Variants in DPF2 observed in about 807,000 individuals in gnomAD.
DPF2 encodes the protein zinc finger protein ubi-d4.
In DPF2, 10 loss-of-function variants were observed where a neutral mutation model predicts 59.6. The ratio of observed to expected loss-of-function variants is 0.17; its 90% confidence interval spans 0.10 to 0.28. The LOEUF (loss-of-function observed/expected upper bound fraction) is 0.28, where lower values mean the gene tolerates loss of function less well. DPF2 is among the 10% of genes least tolerant of loss of function. DPF2 has a pLI of 1.00. For missense variants in DPF2, 315 were observed against 509.4 expected, an observed-to-expected ratio of 0.62 and a Z score of 3.67; for synonymous variants, 189 against 190.6, an observed-to-expected ratio of 0.99 and a Z score of 0.07.
At chr11:65,340,670 CTT>C in intron 2 of DPF2, 125 bp downstream of exon 2, 1 of 1,359,308 alleles carries the variant, frequency 7.4e-7, no homozygotes. Flanking sequence ...TGAATATGGT[CTT>C]CCTGTGATTA....
intron 3 of DPF2, among the ~76,000 whole-genome samples, 160 bp downstream of exon 3, chr11:65,341,233 TAA>T (rs1331382109): frequency 6.6e-6 from 1 of 152,168 alleles, no homozygotes; most frequent in Non-Finnish European, 1.5e-5. Flanking sequence ...GGGAGACAGG[TAA>T]ACAGATAAGT....
chr11:65,350,362 TTTTC>T (rs1273842975), intron 10 of DPF2, among the ~76,000 whole-genome samples: 59 of 151,230 alleles, frequency 3.9e-4, no homozygotes, highest in Middle Eastern at 3.4e-3. Flanking sequence ...CTCTTTTTCT[TTTTC>T]TTTCTTTCTT....
In DPF2 at chr11:65,353,951, C is replaced by G. The variant is rs1404721757; in HGVS notation, c.*2192C>G. Among the ~76,000 whole-genome samples the G allele has an allele frequency of 6.6e-6, 1 of 152,132 alleles. No homozygotes were observed. The highest frequency in any genetic ancestry group is 1.5e-5 in the Non-Finnish European group (1 of 68,028). On this transcript the variant is annotated 3_prime_UTR_variant, in exon 11 of 11. Coordinates refer to ENST00000528416, the MANE Select transcript of DPF2 (RefSeq NM_006268.5). ...AGAAAAGAAATGTGGAAAATAAGAACGCTGTAGCAGGCCTAGGTGAGGAAA... is the reference window on the plus strand; with the variant it reads ...AGAAAAGAAATGTGGAAAATAAGAAGGCTGTAGCAGGCCTAGGTGAGGAAA...
chr11:65,341,472 T>C lies in DPF2; in HGVS notation c.375T>C (p.Thr125=), dbSNP rs367991143. ...GTAGTTTAGAGGCTCTGTTGCGCAC[T>C]GACCCCCTGGAGAAGCGAGGTGCCC... The part of the protein sequence containing the change: ...DGSSLEALLR[T]DPLEKRGAPD... The change falls in exon 4 of 11, where the codon ACT becomes ACC. Residue 125 remains threonine, a synonymous_variant. Transcript: ENST00000528416. The C allele has an allele frequency of 1.2e-5, 19 of 1,614,126 alleles. No individual in the cohort carries two copies. The African/African-American group carries it at 2.1e-4, about 18-fold the overall frequency.
chr11:65,344,158 C>A, intron 6 of DPF2, 89 bp downstream of exon 6: 1 of 1,398,830 alleles, frequency 7.1e-7, no homozygotes, highest in South Asian at 1.2e-5. Flanking sequence ...TGTTTTTGCC[C>A]AGAGTATTAA....
intron 1 of DPF2, among the ~76,000 whole-genome samples, chr11:65,337,541 A>AGAGAGAGAAAGAGAGG (rs1854231885): frequency 7.3e-6 from 1 of 137,262 alleles, no homozygotes; most frequent in African/African-American, 2.7e-5. Context: ...AGAGAGAGAG[A>AGAGAGAGAAAGAGAGG]GAGAGAACAA....
At chr11:65,335,725 A>G (rs866958929) in intron 1 of DPF2, among the ~76,000 whole-genome samples, 10 of 152,148 alleles carry the variant, frequency 6.6e-5, no homozygotes, top group South Asian at 6.2e-4. Flanking sequence ...GAGATATGGC[A>G]CTTCTCTTGA....
chr11:65,338,311 C>CA lies in DPF2; in HGVS notation c.33-2073dup, dbSNP rs544527633. 4.8e-3 allele frequency among the ~76,000 whole-genome samples: 730 copies of CA among 152,302 alleles called. 4 individuals are homozygous for CA. Among genetic ancestry groups the CA allele is most frequent in the Non-Finnish European group, 6.8e-3 (466 of 68,032 alleles). On this transcript the variant is annotated intron_variant, in intron 1 of 10. Coordinates refer to ENST00000528416, the MANE Select transcript of DPF2 (RefSeq NM_006268.5). ...TTCTCTCTTCATGAGATTCTCCCCC[C>CA]ACACTTCAGTGTTTCCTTCCCAGCC...
chr11:65,347,642 A>ATATTT (rs1360842701), intron 9 of DPF2: 1 of 150,788 alleles, frequency 6.6e-6, no homozygotes, highest in Non-Finnish European at 1.5e-5. Flanking sequence ...GCCTTGTCTT[A>ATATTT]TATTTTATTT....
At chr11:65,342,887 A>C (rs1016715148) in intron 4 of DPF2, among the ~76,000 whole-genome samples, 42 of 150,028 alleles carry the variant, frequency 2.8e-4, no homozygotes, top group Non-Finnish European at 4.6e-4. Flanking sequence ...GGTGGTGGGC[A>C]CCTGCAGTCC....
chr11:65,337,806 T>A (rs1854247443), intron 1 of DPF2, among the ~76,000 whole-genome samples: 3 of 150,524 alleles, frequency 2.0e-5, no homozygotes, highest in Middle Eastern at 3.4e-3. Flanking sequence ...TTGTTTTTTT[T>A]AATTTTATTT....
intron 4 of DPF2, 87 bp downstream of exon 4, chr11:65,341,649 CAG>C: frequency 6.4e-7 from 1 of 1,562,716 alleles, no homozygotes; most frequent in Non-Finnish European, 8.7e-7. Flanking sequence ...AGAACTGAAA[CAG>C]AAGCTGGAGT....
chr11:65,345,764 C>T lies in DPF2; in HGVS notation c.736C>T (p.Pro246Ser). ...EEGEDKEDSQ[P>S]PTPVSQRSEE... ...GGGCGAGGACAAGGAAGACTCTCAA[C>T]CACCCACTCCTGTTTCCCAGAGGTC... The change falls in exon 7 of 11, where the codon CCA becomes TCA. Residue 246 changes from proline (P) to serine (S), a missense_variant. This residue lies in a region of DPF2 where 58 missense variants were observed against 84.6 expected (regional missense o/e 0.69). Transcript: ENST00000528416. 2 of 1,614,120 alleles carry T rather than the reference C, an allele frequency of 1.2e-6. No individual in the cohort carries two copies. The highest frequency in any genetic ancestry group is 1.7e-6 in the Non-Finnish European group (2 of 1,180,020).
intron 6 of DPF2, 120 bp downstream of exon 6, chr11:65,344,189 C>T: frequency 1.9e-6 from 2 of 1,029,000 alleles, no homozygotes; most frequent in South Asian, 2.8e-5. Context: ...GGCTCTTGTC[C>T]TGCCTGCTGA....
intron 4 of DPF2, among the ~76,000 whole-genome samples, chr11:65,343,214 G>A (rs529613180): frequency 5.4e-5 from 8 of 148,720 alleles, no homozygotes; most frequent in South Asian, 2.1e-4. Flanking sequence ...CAGGAGGATC[G>A]CTTGAACCCA....
chr11:65,342,234 C>G (rs1854395572), intron 4 of DPF2, among the ~76,000 whole-genome samples: 1 of 152,144 alleles, frequency 6.6e-6, no homozygotes, highest in Non-Finnish European at 1.5e-5. Context: ...TGAGAGGAAA[C>G]TTCAAAAACT....
At position 65,343,794 on chromosome 11, in the gene DPF2, A is replaced by G; in HGVS notation, c.515A>G (p.Tyr172Cys). The change falls in exon 5 of 11, where the codon TAT (tyrosine) becomes TGT (cysteine). Residue 172 changes from tyrosine to cysteine, a missense_variant. Tyr to Cys is a radical substitution (Grantham distance 194). Coordinates refer to ENST00000528416, the MANE Select transcript of DPF2 (RefSeq NM_006268.5). The part of the protein sequence containing the change: ...DFLDDLDDED[Y>C]EEDTPKRRGK... ...CTGGATGACCTCGATGATGAAGACT[A>G]TGAAGAAGATACTCCCAAGCGTCGG... 2 of 1,595,856 alleles carry G rather than the reference A, an allele frequency of 1.3e-6. No individual in the cohort carries two copies. Among genetic ancestry groups the G allele is most frequent in the Non-Finnish European group, 1.7e-6 (2 of 1,171,168 alleles).
intron 1 of DPF2, among the ~76,000 whole-genome samples, chr11:65,335,420 C>T (rs1235550146): frequency 2.0e-5 from 3 of 152,122 alleles, no homozygotes; most frequent in Non-Finnish European, 2.9e-5. Context: ...GGGAGTTAAA[C>T]GTAGTGAGGT....
Position 65,352,031 on chromosome 11 carries a change from G to C in DPF2, c.*272G>C, listed in dbSNP as rs1432955090. 18 of 477,064 alleles carry C rather than the reference G, an allele frequency of 3.8e-5. No individual in the cohort carries two copies. The highest frequency in any genetic ancestry group is 6.9e-5 in the Non-Finnish European group (18 of 262,356). 29.6% of individuals were successfully genotyped at this position (477,064 alleles called of 1,614,324 possible). A position where few individuals can be genotyped will look rare whatever the true frequency, so the allele number is the denominator to read the frequency against. The stretch of plus-strand genomic sequence containing the variant: ...GCTCTCCATTAAGTGCATTCACTCT[G>C]CTTGCCTTGGGCCCAGCCCCTGGTG... On this transcript the variant is annotated 3_prime_UTR_variant, in exon 11 of 11. Coordinates refer to ENST00000528416, the MANE Select transcript of DPF2 (RefSeq NM_006268.5).
Sources: allele counts gnomAD v4.1 joint callset (sites outside exome capture counted in the v4.1 genomes callset), GRCh38; gene constraint gnomAD v4.1.1; regional missense constraint gnomAD v4.1.1; transcripts MANE v1.5; gene names NCBI Gene and HGNC (gene_info 2026-07-23, HGNC 2026-07-21).